Variants in SSPN observed in about 807,000 individuals in gnomAD.
The protein encoded by SSPN is K-ras oncogene-associated protein.
In SSPN, 15 loss-of-function variants were observed where a neutral mutation model predicts 19.1. That is an observed-to-expected ratio of 0.78 (90% CI 0.52 to 1.21). The LOEUF is 1.21. Among genes scored for constraint, SSPN ranks in the 50% most tolerant of loss-of-function variants. The pLI is 0.00. For synonymous variants in SSPN, 147 were observed against 140.3 expected (o/e 1.05, Z -0.34); for missense variants, 291 against 314.0 (o/e 0.93, Z 0.55).
chr12:26,230,609 T>G, intron 2 of SSPN, 102 bp from the exon 3 acceptor site: 1 of 1,392,288 alleles, frequency 7.2e-7, no homozygotes, highest in Non-Finnish European at 9.6e-7. Context: ...CATCAGAAAA[T>G]TTCTGGGAGG....
At chr12:26,223,170 T>G (rs758878837) in intron 1 of SSPN, among the ~76,000 whole-genome samples, 12 of 152,138 alleles carry the variant, frequency 7.9e-5, no homozygotes, top group Non-Finnish European at 1.3e-4. Flanking sequence ...ACTAAATCCA[T>G]CCCGTATCCC....
At chr12:26,210,975 TAAGGAATACGAAA>T (rs1231543030) in intron 1 of SSPN, among the ~76,000 whole-genome samples, 1 of 152,108 alleles carries the variant, frequency 6.6e-6, no homozygotes, top group African/African-American at 2.4e-5. Context: ...GTATAAAAAG[TAAGGAATACGAAA>T]AAGGTACACT....
intron 1 of SSPN, chr12:26,126,286 G>A (rs1372929312): frequency 1.3e-5 from 2 of 152,496 alleles, no homozygotes; most frequent in African/African-American, 4.8e-5. Flanking sequence ...GGGAAGGCAT[G>A]TCCTGAGGGA....
At position 26,233,295 on chromosome 12, in the gene SSPN, A is replaced by G. The variant is rs1256470085; in HGVS notation, c.*2219A>G. On this transcript the variant is annotated 3_prime_UTR_variant, in exon 3 of 3. Transcript: ENST00000242729. This position sits in a 1 kb window ranked among gnomAD's most constrained non-coding sequence, Gnocchi z 4.3. Reference sequence around the variant, plus strand: ...AATAATGCAACTTGTAAGAGTTGACATTGTAATAAGCTTTATAATAGTATA... The same window carrying G: ...AATAATGCAACTTGTAAGAGTTGACGTTGTAATAAGCTTTATAATAGTATA... The G allele has an allele frequency of 6.6e-6, 1 of 151,092 alleles. No homozygotes were observed. The highest frequency in any genetic ancestry group is 1.5e-5 in the Non-Finnish European group (1 of 67,990). The allele number at this position is 151,092 out of a possible 1,614,324, so 9.4% of individuals were successfully genotyped here.
intron 2 of SSPN, among the ~76,000 whole-genome samples, chr12:26,229,527 TCA>T (rs1216514773): frequency 6.6e-6 from 1 of 152,266 alleles, no homozygotes; most frequent in Non-Finnish European, 1.5e-5. Flanking sequence ...TTTTGTAGTG[TCA>T]CATATATGTT....
intron 1 of SSPN, among the ~76,000 whole-genome samples, chr12:26,170,385 C>A (rs1944647178): frequency 1.3e-5 from 2 of 152,130 alleles, no homozygotes; most frequent in African/African-American, 4.8e-5. Flanking sequence ...GCATTAATTC[C>A]GATGGCTCTA....
chr12:26,134,383 C>G (rs577157174), intron 1 of SSPN, among the ~76,000 whole-genome samples: 2 of 152,346 alleles, frequency 1.3e-5, no homozygotes, highest in South Asian at 4.2e-4. Context: ...CTTCTATCAG[C>G]TCCCTTTGTG....
intron 1 of SSPN, among the ~76,000 whole-genome samples, chr12:26,131,735 A>G (rs906209648): frequency 1.3e-5 from 2 of 152,214 alleles, no homozygotes; most frequent in South Asian, 2.1e-4. Flanking sequence ...GCATTTTACT[A>G]TGGACAGGTA....
At chr12:26,125,152 C>G (rs1944353287) in intron 1 of SSPN, 1 of 353,718 alleles carries the variant, frequency 2.8e-6, no homozygotes, top group Admixed American at 4.2e-5. Context: ...CGGGCGGGGG[C>G]GTCGGGAGAA....
At chr12:26,226,137 G>C (rs1366220990) in intron 2 of SSPN, among the ~76,000 whole-genome samples, 1 of 152,114 alleles carries the variant, frequency 6.6e-6, no homozygotes, top group Non-Finnish European at 1.5e-5. Context: ...GACCTTTCTT[G>C]ATGCTTGCTG....
Position 26,134,200 on chromosome 12 carries a change from C to T in SSPN, c.-31+12048C>T, listed in dbSNP as rs565881260. On this transcript the variant is annotated intron_variant, in intron 1 of 2. Transcript: ENST00000538142. ...TTCAAAAAATATTTTTTAATGTACC[C>T]TGCTCTTGCTGTCTCAGGTCCTTCA... 7.8e-4 allele frequency among the ~76,000 whole-genome samples: 119 copies of T among 152,304 alleles called. 1 individual carries two copies. Among genetic ancestry groups the T allele is most frequent in the Admixed American group, 7.5e-3 (114 of 15,300 alleles).
chr12:26,216,763 G>A (rs1945055787), intron 1 of SSPN, among the ~76,000 whole-genome samples: 1 of 127,480 alleles, frequency 7.8e-6, no homozygotes, highest in African/African-American at 3.0e-5. Flanking sequence ...AAGGTGTAAG[G>A]AAGGGATCCA....
chr12:26,127,164 C>T (rs531475728), intron 1 of SSPN, among the ~76,000 whole-genome samples: 1 of 152,300 alleles, frequency 6.6e-6, no homozygotes, highest in African/African-American at 2.4e-5. Context: ...AGCTAAATTT[C>T]ACTTGAAAAG....
chr12:26,211,911 G>A (rs1246255783), intron 1 of SSPN, among the ~76,000 whole-genome samples: 1 of 152,160 alleles, frequency 6.6e-6, no homozygotes, highest in East Asian at 1.9e-4. Context: ...GAATTAGAAA[G>A]CATGTATCTA....
At position 26,224,303 on chromosome 12, in the gene SSPN, T is replaced by C; in HGVS notation, c.290T>C (p.Val97Ala). The C allele has an allele frequency of 6.2e-7, 1 of 1,613,828 alleles. No homozygotes were observed. Among genetic ancestry groups the C allele is most frequent in the Non-Finnish European group, 8.5e-7 (1 of 1,179,706 alleles). The change falls in exon 2 of 3, where the codon GTG (valine) becomes GCG (alanine). Residue 97 changes from valine to alanine, a missense_variant. Physicochemically the swap from Val to Ala is moderately conservative, Grantham distance 64 (BLOSUM62 0). Coordinates refer to ENST00000242729, the MANE Select transcript of SSPN (RefSeq NM_005086.5). Reference sequence around the variant, plus strand: ...TGTTCTCCCTTGCAGGTCTGCTTAGTGGCCTATCTTGGCTTGTTTATGCTT... The same window carrying C: ...TGTTCTCCCTTGCAGGTCTGCTTAGCGGCCTATCTTGGCTTGTTTATGCTT... ...PFWAGIIVCL[V>A]AYLGLFMLCV...
At chr12:26,128,603 A>G (rs1018856866) in intron 1 of SSPN, among the ~76,000 whole-genome samples, 4 of 152,202 alleles carry the variant, frequency 2.6e-5, no homozygotes, top group Non-Finnish European at 4.4e-5. Flanking sequence ...GTACGCTAAC[A>G]AAGGAACAGA....
intron 1 of SSPN, among the ~76,000 whole-genome samples, chr12:26,131,547 G>A (rs1472537672): frequency 1.3e-5 from 2 of 152,148 alleles, no homozygotes; most frequent in African/African-American, 4.8e-5. Flanking sequence ...CCACACTTAT[G>A]TAGCATACAA....
chr12:26,140,209 A>G (rs1944450773), intron 1 of SSPN, among the ~76,000 whole-genome samples: 1 of 152,158 alleles, frequency 6.6e-6, no homozygotes, highest in Non-Finnish European at 1.5e-5. Context: ...CCAGCCTGGT[A>G]CGTCGTAATG....
chr12:26,189,983 G>A (rs896212921), intron 1 of SSPN, among the ~76,000 whole-genome samples: 2 of 152,168 alleles, frequency 1.3e-5, no homozygotes, highest in Admixed American at 6.5e-5. Flanking sequence ...GGAGTCTTCA[G>A]TGAAGCCATG....
Sources: allele counts gnomAD v4.1 joint callset (sites outside exome capture counted in the v4.1 genomes callset), GRCh38; gene constraint gnomAD v4.1.1; non-coding constraint Gnocchi (gnomAD v3.1); transcripts MANE v1.5; gene names NCBI Gene and HGNC (gene_info 2026-07-23, HGNC 2026-07-21).